Variants in CNTN3 observed in about 807,000 individuals in gnomAD.
CNTN3 encodes the protein contactin 3.
A neutral mutation model predicts 119.1 loss-of-function variants in CNTN3; 60 were observed. The observed-to-expected ratio is 0.50, with a 90% confidence interval of 0.41 to 0.62. The LOEUF (loss-of-function observed/expected upper bound fraction) is 0.62. Ranked by LOEUF, CNTN3 falls within the 20% of genes least tolerant of loss-of-function variation. CNTN3 has a pLI of 0.00. For synonymous variants in CNTN3, 450 were observed against 438.7 expected, an observed-to-expected ratio of 1.03 and a Z score of -0.32; for missense variants, 1,101 against 1,242.4, an observed-to-expected ratio of 0.89 and a Z score of 1.71.
chr3:74,393,964 T>C (rs1236759808), intron 5 of CNTN3, among the ~76,000 whole-genome samples: 1 of 152,022 alleles, frequency 6.6e-6, no homozygotes. Context: ...AAAATCTCAA[T>C]AACAAAAAGG....
At chr3:74,399,209 G>A (rs1215666286) in intron 5 of CNTN3, among the ~76,000 whole-genome samples, 2 of 152,034 alleles carry the variant, frequency 1.3e-5, no homozygotes, top group African/African-American at 4.8e-5. Context: ...CTTGTGTCAT[G>A]TGGGTGTGTT....
chr3:74,394,628 C>T lies in CNTN3; in HGVS notation c.455-23229G>A, dbSNP rs532242200. On this transcript the variant is annotated intron_variant, in intron 5 of 22. Transcript: ENST00000263665. ...AAGTGTATTTGTTTATCTAGAGATA[C>T]ATAGAATTTTTCAAATGTTGAAATG... is the stretch of plus-strand genomic sequence containing the variant. 2.8e-4 allele frequency among the ~76,000 whole-genome samples: 42 copies of T among 152,186 alleles called. No homozygotes were observed. In the East Asian group the frequency reaches 7.7e-3, roughly 28 times the overall value.
chr3:74,333,215 A>C (rs760776546), intron 13 of CNTN3, among the ~76,000 whole-genome samples: 3 of 152,248 alleles, frequency 2.0e-5, no homozygotes, highest in Non-Finnish European at 2.9e-5. Context: ...AGGTATCTAA[A>C]CGTCTCAATT....
chr3:74,318,126 G>A (rs193158895), intron 13 of CNTN3, among the ~76,000 whole-genome samples: 23 of 152,084 alleles, frequency 1.5e-4, no homozygotes, highest in Non-Finnish European at 2.4e-4. Context: ...CCAGTTGATC[G>A]CATCAGCTCC....
chr3:74,584,936 AT>A (rs1455246420), intron 1 of CNTN3, among the ~76,000 whole-genome samples: 1 of 152,054 alleles, frequency 6.6e-6, no homozygotes, highest in Non-Finnish European at 1.5e-5. Flanking sequence ...AAATTGGCCA[AT>A]CCCCTCATGA....
At chr3:74,369,101 T>TAGGG in intron 8 of CNTN3, 88 bp downstream of exon 8, 2 of 966,696 alleles carry the variant, frequency 2.1e-6, no homozygotes, top group Admixed American at 7.1e-5. Flanking sequence ...GGGATTCTGC[T>TAGGG]ATAATCTCTC....
chr3:74,414,241 A>T (rs553044378), intron 5 of CNTN3, among the ~76,000 whole-genome samples: 1 of 152,190 alleles, frequency 6.6e-6, no homozygotes, highest in Admixed American at 6.5e-5. Flanking sequence ...CAAGACAGCT[A>T]AAGTTCAGGG....
chr3:74,336,439 C>T, intron 12 of CNTN3, 92 bp downstream of exon 12: 22 of 1,365,564 alleles, frequency 1.6e-5, no homozygotes, highest in Non-Finnish European at 2.3e-5. Flanking sequence ...TCATAGTGTA[C>T]TGAACATTGT....
chr3:74,527,890 A>C (rs912097461), intron 1 of CNTN3, among the ~76,000 whole-genome samples: 1 of 151,942 alleles, frequency 6.6e-6, no homozygotes, highest in African/African-American at 2.4e-5. Context: ...AGGATTTTGA[A>C]AGCAAGTCTT....
chr3:74,329,264 A>G (rs749056389), intron 13 of CNTN3, among the ~76,000 whole-genome samples: 44 of 152,260 alleles, frequency 2.9e-4, no homozygotes, highest in Non-Finnish European at 5.6e-4. Flanking sequence ...GAAATAAATC[A>G]TATTGAAGTG....
chr3:74,517,628 C>T (rs1397785220), intron 2 of CNTN3, among the ~76,000 whole-genome samples: 1 of 151,818 alleles, frequency 6.6e-6, no homozygotes, highest in Non-Finnish European at 1.5e-5. Flanking sequence ...GTGGCTTTTC[C>T]TCAGACATCC....
At chr3:74,423,351 T>C (rs1314214004) in intron 5 of CNTN3, among the ~76,000 whole-genome samples, 2 of 152,206 alleles carry the variant, frequency 1.3e-5, no homozygotes, top group Non-Finnish European at 2.9e-5. Context: ...AATTGCCCAG[T>C]GTTGGTCAGA....
At chr3:74,330,491 G>A (rs926927845) in intron 13 of CNTN3, among the ~76,000 whole-genome samples, 1 of 152,084 alleles carries the variant, frequency 6.6e-6, no homozygotes, top group Non-Finnish European at 1.5e-5. Flanking sequence ...TAATAGTCTA[G>A]CACATACAAT....
intron 4 of CNTN3, among the ~76,000 whole-genome samples, chr3:74,443,208 TGTAATTCCA>T (rs1701995010): frequency 6.6e-6 from 1 of 152,158 alleles, no homozygotes; most frequent in Non-Finnish European, 1.5e-5. Context: ...CAGAGACAGC[TGTAATTCCA>T]GAGCTTGACA....
At chr3:74,537,411 A>G (rs955127998) in intron 1 of CNTN3, among the ~76,000 whole-genome samples, 5 of 152,172 alleles carry the variant, frequency 3.3e-5, no homozygotes, top group Admixed American at 3.3e-4. Flanking sequence ...TCCAGGCACC[A>G]GGCCCAGAAT....
At chr3:74,599,390 T>C (rs1481186372) in intron 1 of CNTN3, among the ~76,000 whole-genome samples, 2 of 152,120 alleles carry the variant, frequency 1.3e-5, no homozygotes, top group East Asian at 3.9e-4. Flanking sequence ...TGAGTAAGAA[T>C]GACCCAGGTC....
chr3:74,444,228 T>G (rs1702013503), intron 4 of CNTN3, among the ~76,000 whole-genome samples: 1 of 151,880 alleles, frequency 6.6e-6, no homozygotes, highest in African/African-American at 2.4e-5. Context: ...AACCCTATTT[T>G]CAAACAACAT....
rs540369569 is a variant in CNTN3, at chr3:74,344,473, T to G, written c.1365-7815A>C. On this transcript the variant is annotated intron_variant, in intron 11 of 22. Transcript: ENST00000263665. Reference sequence around the variant, plus strand: ...CGGAGTCTCACTCTGTCCCCCAGGCTGGAGTACAGTGGCGCGATCTGGGCT... The same window carrying G: ...CGGAGTCTCACTCTGTCCCCCAGGCGGGAGTACAGTGGCGCGATCTGGGCT... Among the ~76,000 whole-genome samples the G allele has an allele frequency of 5.0e-4, 68 of 137,086 alleles. 1 individual carries two copies. The highest frequency in any genetic ancestry group is 7.5e-4 in the Admixed American group (10 of 13,278). The allele number at this position is 137,086 out of a possible 152,430, so 89.9% of individuals were successfully genotyped here.
intron 5 of CNTN3, among the ~76,000 whole-genome samples, chr3:74,373,741 T>C (rs1272949886): frequency 6.6e-6 from 1 of 152,160 alleles, no homozygotes; most frequent in East Asian, 1.9e-4. Context: ...AAGGTTAACA[T>C]TATTGATACT....
Sources: gnomAD v4.1 joint callset for allele counts (sites outside exome capture counted in the v4.1 genomes callset) on GRCh38, gnomAD v4.1.1 for gene constraint, MANE v1.5 for transcripts, NCBI Gene and HGNC (gene_info 2026-07-23, HGNC 2026-07-21) for gene names.